ZBTB20: variants seen among roughly 807,000 people sequenced by gnomAD.
ZBTB20 encodes zinc finger and BTB domain-containing protein 20.
In ZBTB20, 9 loss-of-function variants were observed where a neutral mutation model predicts 56.9. The observed-to-expected ratio is 0.16, with a 90% CI of 0.10 to 0.28. The LOEUF (loss-of-function observed/expected upper bound fraction) is 0.28. Ranked by LOEUF, ZBTB20 falls within the 10% of genes least tolerant of loss-of-function variation. The pLI is 1.00. For missense variants in ZBTB20, 655 were observed against 1,003.0 expected (o/e 0.65, Z 4.69); for synonymous variants, 417 against 420.7 (o/e 0.99, Z 0.11).
At chr3:114,532,023 C>T (rs926733911) in intron 6 of ZBTB20, among the ~76,000 whole-genome samples, 2 of 152,192 alleles carry the variant, frequency 1.3e-5, no homozygotes, top group Non-Finnish European at 2.9e-5. Context: ...GGTGCCTACA[C>T]CACGAGGGCC....
intron 2 of ZBTB20, among the ~76,000 whole-genome samples, chr3:115,042,962 TG>T (rs1296007938): frequency 2.0e-5 from 3 of 152,200 alleles, no homozygotes; most frequent in Non-Finnish European, 4.4e-5. Flanking sequence ...ATCTAAGATT[TG>T]GGGCCTTATT....
At chr3:115,088,785 G>A (rs1576750784) in intron 1 of ZBTB20, among the ~76,000 whole-genome samples, 1 of 151,608 alleles carries the variant, frequency 6.6e-6, no homozygotes, top group African/African-American at 2.4e-5. Flanking sequence ...CATTGATGCT[G>A]TTAACACTTT....
chr3:115,039,334 G>A (rs1437010094), intron 2 of ZBTB20, among the ~76,000 whole-genome samples: 1 of 151,962 alleles, frequency 6.6e-6, no homozygotes, highest in African/African-American at 2.4e-5. Flanking sequence ...AAACAATCGG[G>A]ATAGAAAACG....
chr3:114,928,384 C>T (rs1282136292), intron 3 of ZBTB20, among the ~76,000 whole-genome samples: 2 of 149,488 alleles, frequency 1.3e-5, no homozygotes, highest in Non-Finnish European at 3.0e-5. Flanking sequence ...TGGAGAACCT[C>T]AAGGTTCTTC....
At chr3:114,491,421 A>C (rs1559864251) in intron 7 of ZBTB20, among the ~76,000 whole-genome samples, 2 of 151,944 alleles carry the variant, frequency 1.3e-5, no homozygotes, top group Non-Finnish European at 2.9e-5. Context: ...ACTTTCCTTA[A>C]ATCTCTTCCC....
intron 5 of ZBTB20, among the ~76,000 whole-genome samples, chr3:114,800,828 T>C (rs982656950): frequency 6.6e-6 from 1 of 151,650 alleles, no homozygotes; most frequent in African/African-American, 2.4e-5. Flanking sequence ...ACAGGGTGTG[T>C]GTCACTGTGC....
At chr3:114,788,467 C>T (rs1191819521) in intron 5 of ZBTB20, among the ~76,000 whole-genome samples, 4 of 152,140 alleles carry the variant, frequency 2.6e-5, no homozygotes, top group African/African-American at 7.2e-5. Context: ...TTTATCCATG[C>T]TATAGCATAT....
chr3:114,411,867 A>T (rs972783027), intron 7 of ZBTB20, among the ~76,000 whole-genome samples: 1 of 152,132 alleles, frequency 6.6e-6, no homozygotes, highest in African/African-American at 2.4e-5. Context: ...GGGATAAATG[A>T]CCTCTTCTGA....
intron 6 of ZBTB20, among the ~76,000 whole-genome samples, chr3:114,575,571 G>T (rs1037422826): frequency 1.4e-5 from 2 of 146,428 alleles, no homozygotes; most frequent in African/African-American, 5.1e-5. Flanking sequence ...TTAGGGATTT[G>T]AAGAACTACC....
chr3:114,976,988 CATA>C (rs1210669727), intron 2 of ZBTB20, among the ~76,000 whole-genome samples: 1 of 151,688 alleles, frequency 6.6e-6, no homozygotes, highest in East Asian at 1.9e-4. Flanking sequence ...ATCAATTTCA[CATA>C]ATATTTCACC....
At chr3:114,392,067 G>A (rs1576562364) in intron 7 of ZBTB20, among the ~76,000 whole-genome samples, 1 of 152,214 alleles carries the variant, frequency 6.6e-6, no homozygotes, top group East Asian at 1.9e-4. Flanking sequence ...AAAAAATGAG[G>A]GTGGATTTAA....
intron 2 of ZBTB20, among the ~76,000 whole-genome samples, chr3:115,009,162 C>T (rs951687648): frequency 4.0e-5 from 6 of 151,756 alleles, no homozygotes; most frequent in Non-Finnish European, 8.8e-5. Flanking sequence ...ATGTATTCTT[C>T]AAATTTTTTT....
chr3:114,945,676 GAATTA>G (rs2076861656), intron 3 of ZBTB20, among the ~76,000 whole-genome samples: 1 of 145,322 alleles, frequency 6.9e-6, no homozygotes, highest in Non-Finnish European at 1.5e-5. Flanking sequence ...TAAGATGATA[GAATTA>G]AATCAACAAA....
At chr3:114,988,144 T>C (rs1419741112) in intron 2 of ZBTB20, among the ~76,000 whole-genome samples, 1 of 149,888 alleles carries the variant, frequency 6.7e-6, no homozygotes, top group African/African-American at 2.5e-5. Context: ...ATGTGCACAA[T>C]GTGCAGGTTT....
At chr3:114,751,293 C>T (rs1456332051) in intron 5 of ZBTB20, among the ~76,000 whole-genome samples, 1 of 152,248 alleles carries the variant, frequency 6.6e-6, no homozygotes, top group East Asian at 1.9e-4. Flanking sequence ...TATACACACT[C>T]ACCATGTAAT....
intron 1 of ZBTB20, among the ~76,000 whole-genome samples, chr3:115,128,990 T>C (rs893729874): frequency 1.3e-5 from 2 of 151,844 alleles, no homozygotes; most frequent in Non-Finnish European, 2.9e-5. Flanking sequence ...TCCCAGCTAT[T>C]TGGGAGGCTG....
At chr3:115,105,113 C>T (rs2083684561) in intron 1 of ZBTB20, among the ~76,000 whole-genome samples, 1 of 152,142 alleles carries the variant, frequency 6.6e-6, no homozygotes. Context: ...TCAAGTCATG[C>T]AACCATCCTG....
intron 3 of ZBTB20, among the ~76,000 whole-genome samples, chr3:114,971,012 CAA>C (rs59884793): frequency 4.6e-4 from 56 of 122,552 alleles, no homozygotes; most frequent in Admixed American, 4.3e-4. Context: ...GAGACTCCGT[CAA>C]AAAAAAAAAA....
intron 4 of ZBTB20, among the ~76,000 whole-genome samples, chr3:114,841,704 G>T (rs1426735953): frequency 6.6e-6 from 1 of 152,128 alleles, no homozygotes; most frequent in Admixed American, 6.5e-5. Flanking sequence ...AGCATGTTTG[G>T]GGCAAAGAGG....
Sources: allele counts gnomAD v4.1 joint callset (sites outside exome capture counted in the v4.1 genomes callset), GRCh38; gene constraint gnomAD v4.1.1; transcripts MANE v1.5; gene names NCBI Gene and HGNC (gene_info 2026-07-23, HGNC 2026-07-21).